Variants in CNTNAP2 observed in about 807,000 individuals in gnomAD.
The protein encoded by CNTNAP2 is contactin-associated protein-like 2.
CNTNAP2 carries 98 observed loss-of-function variants against 155.2 expected under a neutral mutation model. The ratio of observed to expected loss-of-function variants is 0.63; its 90% confidence interval spans 0.54 to 0.75. The LOEUF (loss-of-function observed/expected upper bound fraction) is 0.75. Ranked by LOEUF, CNTNAP2 falls within the 30% of genes least tolerant of loss-of-function variation. CNTNAP2 has a pLI of 0.00. For synonymous variants in CNTNAP2, 651 were observed against 631.2 expected, an observed-to-expected ratio of 1.03 and a Z score of -0.47; for missense variants, 1,727 against 1,688.1, an observed-to-expected ratio of 1.02 and a Z score of -0.40.
intron 9 of CNTNAP2, among the ~76,000 whole-genome samples, chr7:147,350,510 C>T (rs2116877330): frequency 6.6e-6 from 1 of 151,828 alleles, no homozygotes; most frequent in Non-Finnish European, 1.5e-5. Context: ...AGGCAAAATC[C>T]TATGTATTCA....
chr7:147,046,839 A>T (rs11975060), intron 4 of CNTNAP2, among the ~76,000 whole-genome samples: 72 of 151,890 alleles, frequency 4.7e-4, no homozygotes, highest in African/African-American at 1.7e-3. Context: ...ACCATCCTGG[A>T]TAACACGGTG....
At chr7:148,060,243 G>C (rs1167605948) in intron 15 of CNTNAP2, among the ~76,000 whole-genome samples, 2 of 152,070 alleles carry the variant, frequency 1.3e-5, no homozygotes, top group Non-Finnish European at 2.9e-5. Context: ...CCTTAAAACT[G>C]CTTTAAATGA....
chr7:146,126,872 T>C (rs1262264947), intron 1 of CNTNAP2, among the ~76,000 whole-genome samples: 3 of 152,212 alleles, frequency 2.0e-5, no homozygotes, highest in Non-Finnish European at 2.9e-5. Context: ...CTGCTCTCCA[T>C]TCCTATCACA....
intron 1 of CNTNAP2, among the ~76,000 whole-genome samples, chr7:146,294,820 G>A (rs1800486435): frequency 6.6e-6 from 1 of 152,078 alleles, no homozygotes; most frequent in African/African-American, 2.4e-5. Flanking sequence ...ATTGGGATGC[G>A]ATATAGTAAT....
chr7:146,378,601 T>G (rs557973559), intron 1 of CNTNAP2, among the ~76,000 whole-genome samples: 64 of 152,280 alleles, frequency 4.2e-4, no homozygotes, highest in African/African-American at 1.5e-3. Context: ...ATCAACCAAT[T>G]TATACATCAT....
chr7:147,243,286 G>A (rs1487516091), intron 8 of CNTNAP2, among the ~76,000 whole-genome samples: 2 of 151,902 alleles, frequency 1.3e-5, no homozygotes, highest in African/African-American at 2.4e-5. Flanking sequence ...GTGAGCCACC[G>A]CACCCGGCCT....
intron 21 of CNTNAP2, among the ~76,000 whole-genome samples, chr7:148,309,588 G>A (rs893072666): frequency 9.9e-5 from 15 of 152,002 alleles, no homozygotes; most frequent in African/African-American, 3.6e-4. Context: ...GTCAAAGGGG[G>A]GTTATTCGCT....
At chr7:147,267,859 G>C (rs1563139998) in intron 8 of CNTNAP2, among the ~76,000 whole-genome samples, 1 of 152,120 alleles carries the variant, frequency 6.6e-6, no homozygotes, top group Admixed American at 6.5e-5. Context: ...ACAATCCTCA[G>C]TTCTAACTAT....
At chr7:148,116,747 T>C (rs889432029) in intron 15 of CNTNAP2, among the ~76,000 whole-genome samples, 1 of 152,178 alleles carries the variant, frequency 6.6e-6, no homozygotes, top group Non-Finnish European at 1.5e-5. Context: ...TATTTGAAAA[T>C]AGTAGCTCAA....
intron 14 of CNTNAP2, among the ~76,000 whole-genome samples, chr7:147,912,793 C>A (rs1800089079): frequency 6.6e-6 from 1 of 152,140 alleles, no homozygotes; most frequent in Admixed American, 6.5e-5. Context: ...TACCTCAGTT[C>A]CTACAGGAGG....
At chr7:146,239,745 C>G (rs1020227351) in intron 1 of CNTNAP2, among the ~76,000 whole-genome samples, 1 of 152,132 alleles carries the variant, frequency 6.6e-6, no homozygotes, top group Non-Finnish European at 1.5e-5. Flanking sequence ...CAAAGTTGAG[C>G]ATTTTATGAA....
chr7:147,877,012 G>A (rs1799432057), intron 13 of CNTNAP2, among the ~76,000 whole-genome samples: 1 of 152,102 alleles, frequency 6.6e-6, no homozygotes, highest in South Asian at 2.1e-4. Flanking sequence ...TTGATAGCAG[G>A]AGGGCCCACG....
At chr7:147,651,927 C>T (rs1795456043) in intron 13 of CNTNAP2, among the ~76,000 whole-genome samples, 1 of 152,130 alleles carries the variant, frequency 6.6e-6, no homozygotes, top group Non-Finnish European at 1.5e-5. Flanking sequence ...GTAGCCCTAT[C>T]TTGCCATCAA....
At chr7:146,899,339 C>T (rs1386095902) in intron 3 of CNTNAP2, among the ~76,000 whole-genome samples, 2 of 152,142 alleles carry the variant, frequency 1.3e-5, no homozygotes, top group African/African-American at 4.8e-5. Context: ...TCTTCGGGGT[C>T]CTGAAACCAG....
At chr7:147,727,563 G>C (rs143545004) in intron 13 of CNTNAP2, among the ~76,000 whole-genome samples, 2,174 of 152,068 alleles carry the variant, frequency 0.014, 100 homozygotes, top group Admixed American at 0.089. Context: ...AGGGACTGTA[G>C]TAAGTACTTT....
chr7:147,326,598 G>A (rs536127525), intron 9 of CNTNAP2, among the ~76,000 whole-genome samples: 1 of 152,120 alleles, frequency 6.6e-6, no homozygotes, highest in Non-Finnish European at 1.5e-5. Context: ...ATTTTAGAGG[G>A]ACTGCTTCAC....
intron 20 of CNTNAP2, among the ~76,000 whole-genome samples, chr7:148,263,748 AAAG>A (rs1314801245): frequency 9.9e-5 from 15 of 151,618 alleles, no homozygotes; most frequent in South Asian, 2.1e-4. Context: ...AAAAAAAAAA[AAAG>A]AAAGAAAGAA....
At chr7:146,849,892 A>G (rs1358354378) in intron 3 of CNTNAP2, among the ~76,000 whole-genome samples, 1 of 152,136 alleles carries the variant, frequency 6.6e-6, no homozygotes, top group African/African-American at 2.4e-5. Flanking sequence ...AATCACTACA[A>G]TAACTTTAAA....
chr7:147,656,848 T>C (rs1052111387), intron 13 of CNTNAP2, among the ~76,000 whole-genome samples: 22 of 152,162 alleles, frequency 1.4e-4, no homozygotes, highest in African/African-American at 5.3e-4. Flanking sequence ...TAATAAAGCA[T>C]ATGATCTGTG....
Sources: allele counts gnomAD v4.1 joint callset (sites outside exome capture counted in the v4.1 genomes callset), GRCh38; gene constraint gnomAD v4.1.1; transcripts MANE v1.5; gene names NCBI Gene and HGNC (gene_info 2026-07-23, HGNC 2026-07-21).